The following GCNT1 variants were observed in gnomAD, a reference collection of about 807,000 sequenced individuals.
GCNT1 encodes glucosaminyl (N-acetyl) transferase 1.
In GCNT1, 16 loss-of-function variants were observed where a neutral mutation model predicts 26.2. The observed-to-expected ratio is 0.61, with a 90% confidence interval of 0.41 to 0.93. The LOEUF (loss-of-function observed/expected upper bound fraction) is 0.93, where lower values mean the gene tolerates loss of function less well. GCNT1 is among the 40% of genes least tolerant of loss of function. The probability of loss-of-function intolerance (pLI) is 0.00; values close to 1 mark genes in which losing one functional copy is unlikely to be tolerated. For synonymous variants in GCNT1, 183 were observed against 190.8 expected, an observed-to-expected ratio of 0.96 and a Z score of 0.34; for missense variants, 477 against 526.7, an observed-to-expected ratio of 0.91 and a Z score of 0.92.
intron 1 of GCNT1, among the ~76,000 whole-genome samples, chr9:76,436,169 C>G (rs557991157): frequency 6.6e-6 from 1 of 151,824 alleles, no homozygotes; most frequent in South Asian, 2.1e-4. Flanking sequence ...CCAGGATGGT[C>G]TTGAACTCCT....
chr9:76,492,661 C>A (rs56722513), intron 2 of GCNT1, among the ~76,000 whole-genome samples: 1 of 150,044 alleles, frequency 6.7e-6, no homozygotes, highest in Non-Finnish European at 1.5e-5. Context: ...GTGATTTCCG[C>A]GGCATAGTGG....
chr9:76,421,834 C>T (rs925114642), intron 1 of GCNT1, among the ~76,000 whole-genome samples: 2 of 151,664 alleles, frequency 1.3e-5, no homozygotes, highest in African/African-American at 4.8e-5. Flanking sequence ...GCTGGGACTA[C>T]ACATGCAAGC....
upstream of GCNT1, among the ~76,000 whole-genome samples, chr9:76,415,083 G>C (rs530226092): frequency 2.0e-5 from 3 of 151,852 alleles, no homozygotes; most frequent in Non-Finnish European, 2.9e-5. Context: ...CCTTGAGACA[G>C]AGTCTCATTC....
At chr9:76,417,076 T>TA (rs1180778106), upstream of GCNT1, among the ~76,000 whole-genome samples, 6 of 152,086 alleles carry the variant, frequency 3.9e-5, no homozygotes, top group African/African-American at 1.2e-4. Flanking sequence ...GAAGATATGA[T>TA]AAAAAATGTG....
rs373430820 is a variant in GCNT1, at chr9:76,504,118, GATATT to G, written c.*456_*460del. On this transcript the variant is annotated 3_prime_UTR_variant, in exon 4 of 4. Transcript: ENST00000376730. ...AAATAATCAAAGATACAATTAATCT[GATATT>G]ATATTTGTTGAAATAGAAATTTGAT... is the stretch of plus-strand genomic sequence containing the variant. The G allele has an allele frequency of 4.5e-5, 9 of 197,996 alleles. No homozygotes were observed. In the East Asian group the frequency reaches 6.4e-4, roughly 14 times the overall value. 12.3% of individuals were successfully genotyped at this position (197,996 alleles called of 1,614,324 possible).
upstream of GCNT1, among the ~76,000 whole-genome samples, chr9:76,415,104 G>T (rs1406752694): frequency 6.6e-6 from 1 of 151,978 alleles, no homozygotes; most frequent in Non-Finnish European, 1.5e-5. Flanking sequence ...TGTTGCCCAG[G>T]CTGGAGTGCA....
chr9:76,426,660 C>G (rs1280970610), intron 1 of GCNT1, among the ~76,000 whole-genome samples: 3 of 152,124 alleles, frequency 2.0e-5, no homozygotes, highest in Non-Finnish European at 4.4e-5. Flanking sequence ...CTTTGGGAGG[C>G]TAAGGCAGGT....
chr9:76,453,588 A>G (rs571330954), intron 1 of GCNT1, among the ~76,000 whole-genome samples: 7 of 152,214 alleles, frequency 4.6e-5, no homozygotes, highest in African/African-American at 1.7e-4. Context: ...AGTCAGCCCA[A>G]AGAAAAGTCT....
At chr9:76,416,226 C>T (rs1823131198), upstream of GCNT1, among the ~76,000 whole-genome samples, 1 of 152,108 alleles carries the variant, frequency 6.6e-6, no homozygotes, top group South Asian at 2.1e-4. Flanking sequence ...ATGAGTTTGG[C>T]CAGGGACGGC....
At chr9:76,397,820 A>G in the GCNT1 span, among the ~76,000 whole-genome samples, 5 of 152,258 alleles carry the variant, frequency 3.3e-5, no homozygotes, top group South Asian at 8.3e-4. Flanking sequence ...CCCATCAAGT[A>G]CTCAATCTGT....
upstream of GCNT1, among the ~76,000 whole-genome samples, chr9:76,416,228 A>G (rs962174062): frequency 3.3e-5 from 5 of 152,280 alleles, no homozygotes; most frequent in African/African-American, 7.2e-5. Context: ...GAGTTTGGCC[A>G]GGGACGGCTG....
At chr9:76,484,574 A>T (rs746432821) in intron 2 of GCNT1, among the ~76,000 whole-genome samples, 10 of 152,086 alleles carry the variant, frequency 6.6e-5, no homozygotes, top group African/African-American at 9.7e-5. Flanking sequence ...ATACTTCTGC[A>T]CTTATTCTGT....
intron 2 of GCNT1, among the ~76,000 whole-genome samples, chr9:76,495,802 A>T (rs1824893038): frequency 6.6e-6 from 1 of 152,148 alleles, no homozygotes; most frequent in Non-Finnish European, 1.5e-5. Context: ...GTTGGGTGAA[A>T]ATATTGGCCT....
At chr9:76,467,909 T>G (rs1824039736) in intron 2 of GCNT1, among the ~76,000 whole-genome samples, 1 of 134,426 alleles carries the variant, frequency 7.4e-6, no homozygotes, top group African/African-American at 2.9e-5. Context: ...TTTTTTTTTT[T>G]TTTTTTTTTT....
chr9:76,503,390 C>A lies in GCNT1; in HGVS notation c.1009C>A (p.Pro337Thr). 6.2e-7 allele frequency: 1 copy of A among 1,614,130 alleles called. No homozygotes were observed. Among genetic ancestry groups the A allele is most frequent in the Non-Finnish European group, 8.5e-7 (1 of 1,180,022 alleles). The change falls in exon 4 of 4, where the codon CCT becomes ACT. Residue 337 changes from proline (P) to threonine (T), a missense_variant. Physicochemically the swap from Pro to Thr is conservative, Grantham distance 38 (BLOSUM62 -1). Transcript: ENST00000376730. ...GATTCCTGAAGTCCCGGGCTCACTCCCTGCCAGCCATAAGTATGATCTGTC... is the reference window on the plus strand; with the variant it reads ...GATTCCTGAAGTCCCGGGCTCACTCACTGCCAGCCATAAGTATGATCTGTC... ...QRIPEVPGSL[P>T]ASHKYDLSDM...
At chr9:76,466,512 A>G (rs1290590673) in intron 2 of GCNT1, among the ~76,000 whole-genome samples, 1 of 152,144 alleles carries the variant, frequency 6.6e-6, no homozygotes, top group Non-Finnish European at 1.5e-5. Flanking sequence ...TGTGTTGTCC[A>G]GGCTGGTCTC....
rs554129366 is a variant in GCNT1 at position 76,436,262 on chromosome 9, G to T, written n.38+16375G>T. Among the ~76,000 whole-genome samples the T allele has an allele frequency of 9.9e-5, 15 of 152,078 alleles. 1 individual carries two copies. In the South Asian group the frequency reaches 2.9e-3, roughly 29 times the overall value. ...AAATTAGGATAGGGTTGTCCAAAGG[G>T]TGTTTGAGGAACATACCTTCCACAA... is the stretch of plus-strand genomic sequence containing the variant. On this transcript the variant is annotated intron_variant and non_coding_transcript_variant, in intron 1 of 3. Transcript: ENST00000488136.
At chr9:76,447,136 A>T (rs1488397134) in intron 1 of GCNT1, among the ~76,000 whole-genome samples, 2 of 119,232 alleles carry the variant, frequency 1.7e-5, no homozygotes, top group African/African-American at 3.2e-5. Context: ...TCCTGGGCAG[A>T]GTGAAACCCT....
intron 1 of GCNT1, among the ~76,000 whole-genome samples, chr9:76,428,292 T>TAAAAAAAAAAAATAA (rs1279001629): frequency 1.2e-5 from 1 of 85,894 alleles, no homozygotes; most frequent in Non-Finnish European, 2.6e-5. Context: ...AAAAAAAACT[T>TAAAAAAAAAAAATAA]AAAAAAAAAA....
Sources: gnomAD v4.1 joint callset for allele counts (sites outside exome capture counted in the v4.1 genomes callset) on GRCh38, gnomAD v4.1.1 for gene constraint, MANE v1.5 for transcripts, NCBI Gene and HGNC (gene_info 2026-07-23, HGNC 2026-07-21) for gene names.